The following GRTP1 variants were observed in gnomAD, a reference collection of about 807,000 sequenced individuals.
GRTP1 encodes the protein growth hormone regulated TBC protein 1.
In GRTP1, 56 loss-of-function variants were observed where a neutral mutation model predicts 38.1. The observed-to-expected ratio is 1.47, with a 90% CI of 1.19 to 1.84. GRTP1 has a LOEUF of 1.84. Among genes scored for constraint, GRTP1 ranks in the 40% most tolerant of loss-of-function variants. GRTP1 has a pLI of 0.00. For synonymous variants in GRTP1, 217 were observed against 189.5 expected, an observed-to-expected ratio of 1.14 and a Z score of -1.19; for missense variants, 506 against 453.9, an observed-to-expected ratio of 1.11 and a Z score of -1.04.
At chr13:113,337,808 G>T (rs2042974323) in intron 5 of GRTP1, among the ~76,000 whole-genome samples, 1 of 152,252 alleles carries the variant, frequency 6.6e-6, no homozygotes, top group South Asian at 2.1e-4. Flanking sequence ...CCCCACTCGG[G>T]AGGACGCAGG....
chr13:113,343,476 C>T lies in GRTP1; in HGVS notation c.562+1387G>A, dbSNP rs531867130. On this transcript the variant is annotated intron_variant, in intron 5 of 7. Coordinates refer to ENST00000375431, the MANE Select transcript of GRTP1 (RefSeq NM_024719.4). This position sits in a 1 kb window ranked among gnomAD's most constrained non-coding sequence, Gnocchi z 4.8. ...TTCTGCGCCCTTGGGTTGAGGGTGG[C>T]GCTGATTCCTCCCTGCCCTTAATGA... Among the ~76,000 whole-genome samples, 50 of 152,282 alleles carry T rather than the reference C, an allele frequency of 3.3e-4. No individual in the cohort carries two copies. Among genetic ancestry groups the T allele is most frequent in the South Asian group, 1.2e-3 (6 of 4,828 alleles).
chr13:113,360,101 A>C (rs533959877), intron 2 of GRTP1: 1 of 152,276 alleles, frequency 6.6e-6, no homozygotes, highest in South Asian at 2.1e-4. Context: ...AGGTGGTGTT[A>C]ATATTCTAAG....
intron 4 of GRTP1, among the ~76,000 whole-genome samples, chr13:113,345,977 CTTTTGTGG>C (rs1566428473): frequency 1.6e-4 from 24 of 151,322 alleles, no homozygotes; most frequent in African/African-American, 5.6e-4. Context: ...CCCAGGAGGA[CTTTTGTGG>C]CCGAGAGTGG....
chr13:113,326,539 TGG>T (rs2042776982), intron 5 of GRTP1, among the ~76,000 whole-genome samples: 3 of 151,856 alleles, frequency 2.0e-5, no homozygotes, highest in Non-Finnish European at 4.4e-5. Flanking sequence ...GGTGTGGTGG[TGG>T]GCACCTGTAA....
In GRTP1 at chr13:113,348,438, G is replaced by A. The variant is rs914567386; in HGVS notation, c.465+2411C>T. Among the ~76,000 whole-genome samples the A allele has an allele frequency of 2.0e-5, 3 of 152,154 alleles. No individual in the cohort carries two copies. The highest frequency in any genetic ancestry group is 7.2e-5 in the African/African-American group (3 of 41,438). On this transcript the variant is annotated intron_variant, in intron 4 of 7. Coordinates refer to ENST00000375431, the MANE Select transcript of GRTP1 (RefSeq NM_024719.4). The surrounding 1 kb of genome is among the most constrained non-coding windows in gnomAD (Gnocchi z 4.8). ...TGCACTCCAGCCTGGGTGACAGAGC[G>A]AGACCGTGTGCACTGTGTAACTCTA...
intron 4 of GRTP1, 38 bp from the exon 5 acceptor site, chr13:113,344,997 T>A: frequency 6.3e-7 from 1 of 1,574,842 alleles, no homozygotes; most frequent in Non-Finnish European, 8.6e-7. Context: ...TCACATTGAG[T>A]TTTAAGCCCC....
rs2043047505 is a variant in GRTP1, at chr13:113,343,037, G to A, written c.562+1826C>T. 6.6e-6 allele frequency among the ~76,000 whole-genome samples: 1 copy of A among 151,996 alleles called. No individual in the cohort carries two copies. The highest frequency in any genetic ancestry group is 6.6e-5 in the Admixed American group (1 of 15,256). ...CCTCCACAAAGACAGGAACTCGTGT[G>A]TGCTCACCGATGTTTCCCACACCCC... On this transcript the variant is annotated intron_variant, in intron 5 of 7. Transcript: ENST00000375431. The surrounding 1 kb of genome is among the most constrained non-coding windows in gnomAD (Gnocchi z 4.8).
intron 5 of GRTP1, among the ~76,000 whole-genome samples, chr13:113,326,379 G>GA: frequency 1.2e-5 from 1 of 85,456 alleles, no homozygotes; most frequent in Non-Finnish European, 2.2e-5. Context: ...TGGCGCGGTG[G>GA]GGGGGGGGGG....
At chr13:113,357,305 C>T (rs1259564326) in intron 2 of GRTP1, among the ~76,000 whole-genome samples, 2 of 151,954 alleles carry the variant, frequency 1.3e-5, no homozygotes, top group African/African-American at 2.4e-5. Flanking sequence ...ATTGGCTGGG[C>T]GTGATGGCTC....
chr13:113,363,680 T>C (rs1383224687), intron 2 of GRTP1, 82 bp downstream of exon 2: 1 of 1,411,572 alleles, frequency 7.1e-7, no homozygotes, highest in Non-Finnish European at 9.7e-7. Flanking sequence ...CTCCCTCCGC[T>C]CCGGGAGCCC....
chr13:113,350,139 G>C (rs2043234692), intron 4 of GRTP1, among the ~76,000 whole-genome samples: 1 of 152,088 alleles, frequency 6.6e-6, no homozygotes, highest in Admixed American at 6.5e-5. Flanking sequence ...AGACAGACTG[G>C]AACAGCACCA....
At chr13:113,332,507 C>T (rs1233089593) in intron 5 of GRTP1, among the ~76,000 whole-genome samples, 3 of 152,018 alleles carry the variant, frequency 2.0e-5, no homozygotes, top group Admixed American at 1.3e-4. Flanking sequence ...ACTGCCCCAT[C>T]GCACCAAATA....
chr13:113,341,589 A>G (rs7319664), intron 5 of GRTP1, among the ~76,000 whole-genome samples: 36,996 of 151,850 alleles, frequency 0.24, 6,261 homozygotes, highest in African/African-American at 0.48. Flanking sequence ...TATCAGTCTT[A>G]CCAGAGGTTT....
intron 5 of GRTP1, among the ~76,000 whole-genome samples, 164 bp downstream of exon 5, chr13:113,344,699 C>A (rs559040977): frequency 9.2e-6 from 1 of 108,482 alleles, no homozygotes; most frequent in South Asian, 3.3e-4. Context: ...GGCATCAGAG[C>A]GAGACTCCGT....
chr13:113,352,680 G>A (rs2043308324), intron 3 of GRTP1, among the ~76,000 whole-genome samples: 1 of 152,086 alleles, frequency 6.6e-6, no homozygotes, highest in Non-Finnish European at 1.5e-5. Context: ...TAAGTTTCTT[G>A]ATATGTTTTG....
At chr13:113,362,894 C>T (rs369513561) in intron 2 of GRTP1, among the ~76,000 whole-genome samples, 4 of 152,172 alleles carry the variant, frequency 2.6e-5, no homozygotes, top group Non-Finnish European at 4.4e-5. Context: ...GGGCACACTC[C>T]CACCAAGCCC....
At chr13:113,357,378 G>A (rs929973685) in intron 2 of GRTP1, among the ~76,000 whole-genome samples, 1 of 146,424 alleles carries the variant, frequency 6.8e-6, no homozygotes, top group East Asian at 2.1e-4. Context: ...CTGGCAGGCA[G>A]AGGTTGCAGT....
chr13:113,352,476 C>T (rs1469313225), intron 3 of GRTP1, among the ~76,000 whole-genome samples: 1 of 150,446 alleles, frequency 6.6e-6, no homozygotes, highest in Admixed American at 6.7e-5. Context: ...AGGGCTCAAG[C>T]GATCCTCCCA....
chr13:113,328,204 C>T (rs559622631), intron 5 of GRTP1, among the ~76,000 whole-genome samples: 36 of 152,330 alleles, frequency 2.4e-4, no homozygotes, highest in Admixed American at 5.2e-4. Context: ...GGGACATCCA[C>T]GCCTCTGCAA....
Sources: allele counts gnomAD v4.1 joint callset (sites outside exome capture counted in the v4.1 genomes callset), GRCh38; gene constraint gnomAD v4.1.1; non-coding constraint Gnocchi (gnomAD v3.1); transcripts MANE v1.5; gene names NCBI Gene and HGNC (gene_info 2026-07-23, HGNC 2026-07-21).